OPHN1: variants seen among roughly 807,000 people sequenced by gnomAD.
OPHN1 encodes oligophrenin-1.
In OPHN1, 11 loss-of-function variants were observed where a neutral mutation model predicts 60.7. The observed-to-expected ratio is 0.18, with a 90% CI of 0.11 to 0.30. The LOEUF (loss-of-function observed/expected upper bound fraction) is 0.30, where lower values mean the gene tolerates loss of function less well. Among genes scored for constraint, OPHN1 ranks in the 10% least tolerant of loss-of-function variants. The pLI, the probability that OPHN1 is intolerant of heterozygous loss-of-function variation, is 1.00. For synonymous variants in OPHN1, 226 were observed against 222.6 expected, an observed-to-expected ratio of 1.02 and a Z score of -0.14; for missense variants, 449 against 611.0, an observed-to-expected ratio of 0.73 and a Z score of 2.80.
intron 5 of OPHN1, among the ~76,000 whole-genome samples, chrX:68,262,957 A>T: frequency 8.9e-6 from 1 of 111,929 alleles, no homozygotes; most frequent in East Asian, 2.8e-4. Flanking sequence ...TTTAATTGAA[A>T]ACAGGAAGAT....
At chrX:68,358,193 C>T (rs150609128) in intron 2 of OPHN1, among the ~76,000 whole-genome samples, 51 of 109,418 alleles carry the variant, frequency 4.7e-4, no homozygotes, top group African/African-American at 1.6e-3. Context: ...TGGTGCTGCA[C>T]ACCTGTAGTC....
At position 68,362,536 on chromosome X, in the gene OPHN1, C is replaced by T. The variant is rs1051139400; in HGVS notation, c.155-63440G>A. ...AAATATTCTCACCATAAAATAAGTA[C>T]GTGAGGTAACGAGTATGTTAATTAG... On this transcript the variant is annotated intron_variant, in intron 2 of 24. Coordinates refer to ENST00000355520, the MANE Select transcript of OPHN1 (RefSeq NM_002547.3). Among the ~76,000 whole-genome samples the T allele has an allele frequency of 9.0e-5, 10 of 111,107 alleles. No homozygotes were observed. The East Asian group carries it at 1.4e-3, about 16-fold the overall frequency.
chrX:68,058,375 C>T (rs1399283254), intron 21 of OPHN1, among the ~76,000 whole-genome samples: 1 of 110,540 alleles, frequency 9.0e-6, no homozygotes, highest in Non-Finnish European at 1.9e-5. Flanking sequence ...AGTGTGAATA[C>T]TATAAACTAG....
intron 2 of OPHN1, among the ~76,000 whole-genome samples, chrX:68,431,834 A>G (rs778257693): frequency 1.7e-4 from 19 of 111,214 alleles, no homozygotes; most frequent in Non-Finnish European, 2.8e-4. Flanking sequence ...TGATAAATTC[A>G]CTCAAAACAA....
chrX:68,279,734 C>T (rs747448785), intron 4 of OPHN1, among the ~76,000 whole-genome samples: 39 of 111,680 alleles, frequency 3.5e-4, no homozygotes, highest in African/African-American at 1.0e-3. Flanking sequence ...GCCTAACCAT[C>T]TCAGCATTCC....
At chrX:68,104,111 C>T (rs1390130850) in intron 18 of OPHN1, among the ~76,000 whole-genome samples, 2 of 111,235 alleles carry the variant, frequency 1.8e-5, no homozygotes, top group African/African-American at 3.3e-5. Flanking sequence ...ATGCAAGGGA[C>T]GTGAAGGGCC....
Position 68,290,664 on chromosome X carries a change from C to T in OPHN1, c.251-7547G>A, listed in dbSNP as rs185881596. On this transcript the variant is annotated intron_variant, in intron 3 of 24. Coordinates refer to ENST00000355520, the MANE Select transcript of OPHN1 (RefSeq NM_002547.3). ...TAGCCAGGTGAGGTGTGCTTTCTGG[C>T]TGCTCAGGAGGCTGAGATGGGAAAA... Among the ~76,000 whole-genome samples, 7 of 109,515 alleles carry T rather than the reference C, an allele frequency of 6.4e-5. No individual in the cohort carries two copies. The East Asian group carries it at 2.0e-3, about 32-fold the overall frequency.
intron 2 of OPHN1, among the ~76,000 whole-genome samples, chrX:68,339,051 G>C (rs1373842386): frequency 9.8e-6 from 1 of 102,437 alleles, no homozygotes; most frequent in African/African-American, 3.6e-5. Context: ...CTGCACTCCA[G>C]CCTGGGCAAC....
Position 68,253,535 on chromosome X carries a change from G to C in OPHN1, c.385-18947C>G, listed in dbSNP as rs1463181374. 3.6e-5 allele frequency among the ~76,000 whole-genome samples: 4 copies of C among 111,948 alleles called. No homozygotes were observed. The East Asian group carries it at 1.1e-3, about 31-fold the overall frequency. ...CAGTCACTTAACCTTCTAAGCCTCAGTTCCCCCAACTGTAAAGTGAGGTGG... is the reference window on the plus strand; with the variant it reads ...CAGTCACTTAACCTTCTAAGCCTCACTTCCCCCAACTGTAAAGTGAGGTGG... On this transcript the variant is annotated intron_variant, in intron 5 of 24. Transcript: ENST00000355520.
chrX:68,382,341 T>C (rs920725789), intron 2 of OPHN1, among the ~76,000 whole-genome samples: 3 of 110,200 alleles, frequency 2.7e-5, no homozygotes, highest in African/African-American at 9.9e-5. Context: ...AGTGAGACTC[T>C]GTCTTAAAAA....
At chrX:68,292,895 C>G (rs140551784) in intron 3 of OPHN1, among the ~76,000 whole-genome samples, 157 of 112,104 alleles carry the variant, frequency 1.4e-3, no homozygotes, top group African/African-American at 4.7e-3. Context: ...GAACTTTCCC[C>G]AGAAAAGCTA....
chrX:68,135,331 A>C (rs1401784241), intron 15 of OPHN1, among the ~76,000 whole-genome samples: 1 of 112,445 alleles, frequency 8.9e-6, no homozygotes, highest in Non-Finnish European at 1.9e-5. Flanking sequence ...TCTTAAAAAA[A>C]TAAACAATAA....
intron 19 of OPHN1, among the ~76,000 whole-genome samples, chrX:68,091,335 G>A (rs893641952): frequency 6.3e-5 from 7 of 111,632 alleles, no homozygotes; most frequent in Non-Finnish European, 1.3e-4. Flanking sequence ...GGTCTTGGGA[G>A]CAATAAAGGA....
chrX:68,333,586 A>G (rs934219694), intron 2 of OPHN1, among the ~76,000 whole-genome samples: 102 of 110,684 alleles, frequency 9.2e-4, no homozygotes, highest in Non-Finnish European at 1.6e-3. Context: ...TGTGAGCTGA[A>G]ATCGCACTAT....
intron 20 of OPHN1, among the ~76,000 whole-genome samples, chrX:68,066,936 T>TCTC (rs1220780609): frequency 8.9e-6 from 1 of 111,782 alleles, no homozygotes; most frequent in Non-Finnish European, 1.9e-5. Context: ...CACAGACAAG[T>TCTC]CTCAGGGACT....
intron 6 of OPHN1, among the ~76,000 whole-genome samples, chrX:68,222,619 T>G (rs771172619): frequency 1.9e-5 from 2 of 107,360 alleles, no homozygotes; most frequent in South Asian, 8.8e-4. Flanking sequence ...TGAGTTCATG[T>G]CCTTTGTAGG....
At chrX:68,388,343 C>A (rs1266804926) in intron 2 of OPHN1, among the ~76,000 whole-genome samples, 1 of 106,893 alleles carries the variant, frequency 9.4e-6, no homozygotes, top group East Asian at 2.9e-4. Context: ...ACCTGTAATT[C>A]CAGCTACTTG....
intron 3 of OPHN1, among the ~76,000 whole-genome samples, chrX:68,286,857 A>G (rs2078043129): frequency 9.1e-6 from 1 of 109,591 alleles, no homozygotes; most frequent in African/African-American, 3.3e-5. Context: ...TCTACTAAAA[A>G]TACAAAAATT....
chrX:68,410,464 C>T (rs936068356), intron 2 of OPHN1, among the ~76,000 whole-genome samples: 4 of 109,827 alleles, frequency 3.6e-5, no homozygotes, highest in Non-Finnish European at 7.6e-5. Context: ...CAGGAGACTA[C>T]GGCAGGAGAA....
Sources: gnomAD v4.1 joint callset for allele counts (sites outside exome capture counted in the v4.1 genomes callset) on GRCh38, gnomAD v4.1.1 for gene constraint, MANE v1.5 for transcripts, NCBI Gene and HGNC (gene_info 2026-07-23, HGNC 2026-07-21) for gene names.